KRABD5: variants seen among roughly 807,000 people sequenced by gnomAD.
KRABD5 encodes KRAB domain containing 5.
chr16:31,713,324 G>A, the KRABD5 span: 2 of 1,487,720 alleles, frequency 1.3e-6, no homozygotes, highest in Non-Finnish European at 1.8e-6. Context: ...CATCTGGGAG[G>A]CCAAGGCGGC....
the KRABD5 span, among the ~76,000 whole-genome samples, chr16:31,735,497 T>C: frequency 3.9e-5 from 6 of 152,236 alleles, no homozygotes; most frequent in Non-Finnish European, 8.8e-5. Flanking sequence ...TACTCTTTTA[T>C]AGTGGCCATA....
At chr16:31,744,821 T>A in the KRABD5 span, among the ~76,000 whole-genome samples, 1 of 131,930 alleles carries the variant, frequency 7.6e-6, no homozygotes, top group Non-Finnish European at 1.6e-5. Flanking sequence ...TATTCAGGGA[T>A]TCGACTTCTT....
chr16:31,753,744 G>T, the KRABD5 span: 28 of 1,449,326 alleles, frequency 1.9e-5, no homozygotes, highest in Non-Finnish European at 2.5e-5. Context: ...TTGGAATTTT[G>T]AAAACTTTTG....
the KRABD5 span, among the ~76,000 whole-genome samples, chr16:31,726,085 T>C: frequency 1.2e-4 from 18 of 152,374 alleles, no homozygotes; most frequent in Non-Finnish European, 7.3e-5. Flanking sequence ...TTGTTCCCTG[T>C]GTTTCTTCTA....
the KRABD5 span, chr16:31,757,280 A>T: frequency 2.0e-5 from 3 of 152,226 alleles, no homozygotes; most frequent in Non-Finnish European, 4.4e-5. Flanking sequence ...CAGCCTGGCC[A>T]ACATGGTGAT....
the KRABD5 span, among the ~76,000 whole-genome samples, chr16:31,743,051 G>T: frequency 6.6e-6 from 1 of 152,068 alleles, no homozygotes; most frequent in African/African-American, 2.4e-5. Flanking sequence ...ATAAATTCTG[G>T]ATATTAGACC....
At chr16:31,758,863 T>C in the KRABD5 span, 2 of 152,330 alleles carry the variant, frequency 1.3e-5, no homozygotes, top group South Asian at 2.1e-4. Context: ...CTTAATTTCT[T>C]AGACTTGTGA....
the KRABD5 span, among the ~76,000 whole-genome samples, chr16:31,751,928 T>C: frequency 6.6e-6 from 1 of 152,224 alleles, no homozygotes; most frequent in Non-Finnish European, 1.5e-5. Flanking sequence ...GCTTTAGCTG[T>C]GTCCCAAAGA....
chr16:31,740,646 T>TA, the KRABD5 span, among the ~76,000 whole-genome samples: 7 of 151,084 alleles, frequency 4.6e-5, no homozygotes, highest in Non-Finnish European at 7.4e-5. Flanking sequence ...TTTTTTTTTT[T>TA]AATTAGTTGT....
the KRABD5 span, chr16:31,714,273 C>G: frequency 7.0e-6 from 3 of 431,342 alleles, no homozygotes; most frequent in Admixed American, 7.9e-5. Context: ...TTTGGCCTTA[C>G]CTGTTGAAGT....
At chr16:31,755,162 T>C in the KRABD5 span, 1 of 482,902 alleles carries the variant, frequency 2.1e-6, no homozygotes. Context: ...AGCCTTTAAC[T>C]GTAGGTCGTA....
the KRABD5 span, among the ~76,000 whole-genome samples, chr16:31,747,564 C>T: frequency 2.0e-5 from 3 of 152,322 alleles, no homozygotes; most frequent in East Asian, 5.8e-4. Context: ...GGAATCGCCA[C>T]ACCGACTTCC....
the KRABD5 span, among the ~76,000 whole-genome samples, chr16:31,718,292 C>A: frequency 6.6e-6 from 1 of 152,186 alleles, no homozygotes; most frequent in East Asian, 1.9e-4. Context: ...CAGGTTGATT[C>A]CACCTGGAGT....
the KRABD5 span, among the ~76,000 whole-genome samples, chr16:31,724,704 GA>G: frequency 1.1e-4 from 16 of 144,300 alleles, no homozygotes; most frequent in East Asian, 6.2e-4. Context: ...AAAAAAAAAA[GA>G]AAAAAAAAAA....
the KRABD5 span, among the ~76,000 whole-genome samples, chr16:31,753,071 C>T: frequency 2.0e-5 from 3 of 152,076 alleles, no homozygotes; most frequent in African/African-American, 7.2e-5. Flanking sequence ...GCTACCTATT[C>T]CATCTATTAT....
At chr16:31,726,322 A>G in the KRABD5 span, among the ~76,000 whole-genome samples, 4 of 152,050 alleles carry the variant, frequency 2.6e-5, no homozygotes, top group African/African-American at 9.7e-5. Context: ...GTTCTGTCCC[A>G]TTGGTCTATA....
chr16:31,737,184 A>G, the KRABD5 span, among the ~76,000 whole-genome samples: 1 of 151,576 alleles, frequency 6.6e-6, no homozygotes, highest in African/African-American at 2.4e-5. Flanking sequence ...TCAACATAGT[A>G]CTAGAAGTTC....
chr16:31,716,871 C>T, the KRABD5 span, among the ~76,000 whole-genome samples: 1 of 152,106 alleles, frequency 6.6e-6, no homozygotes, highest in African/African-American at 2.4e-5. Context: ...ATATTTCTCT[C>T]CTTCTTTTTC....
At chr16:31,744,166 T>C in the KRABD5 span, among the ~76,000 whole-genome samples, 5 of 152,182 alleles carry the variant, frequency 3.3e-5, no homozygotes, top group South Asian at 1.0e-3. Flanking sequence ...CTGTGTTGAA[T>C]AGGAGTGGTG....
Sources: gnomAD v4.1 joint callset for allele counts (sites outside exome capture counted in the v4.1 genomes callset) on GRCh38, gnomAD v4.1.1 for gene constraint, MANE v1.5 for transcripts, NCBI Gene and HGNC (gene_info 2026-07-23, HGNC 2026-07-21) for gene names.